Variants in ANKS1B observed in about 807,000 individuals in gnomAD.
The protein encoded by ANKS1B is ankyrin repeat and sterile alpha motif domain-containing protein 1B.
Under a neutral mutation model 148.3 loss-of-function variants are expected in ANKS1B, and 36 were observed. That is an observed-to-expected ratio of 0.24 (90% CI 0.19 to 0.32). The LOEUF (loss-of-function observed/expected upper bound fraction) is 0.32, where lower values mean the gene tolerates loss of function less well. Among genes scored for constraint, ANKS1B ranks in the 10% least tolerant of loss-of-function variants. ANKS1B has a pLI of 1.00. For synonymous variants in ANKS1B, 542 were observed against 560.8 expected (o/e 0.97, Z 0.47); for missense variants, 1,157 against 1,542.6 (o/e 0.75, Z 4.19).
intron 25 of ANKS1B, among the ~76,000 whole-genome samples, chr12:98,772,434 G>A (rs2098598815): frequency 6.6e-6 from 1 of 152,150 alleles, no homozygotes. Flanking sequence ...CCAAGACTAG[G>A]TAATTTATAA....
At chr12:99,259,672 A>G (rs181970329) in intron 12 of ANKS1B, among the ~76,000 whole-genome samples, 1 of 152,310 alleles carries the variant, frequency 6.6e-6, no homozygotes, top group East Asian at 1.9e-4. Context: ...AAATTATTGT[A>G]TCTTTTTGGT....
chr12:99,902,609 G>T lies in ANKS1B; in HGVS notation c.135-77220C>A, dbSNP rs185794748. Among the ~76,000 whole-genome samples the T allele has an allele frequency of 5.5e-4, 84 of 152,234 alleles. 1 individual carries two copies. The highest frequency in any genetic ancestry group is 4.3e-3 in the Admixed American group (66 of 15,282). On this transcript the variant is annotated intron_variant, in intron 1 of 26. Transcript: ENST00000683438. ...GAAGAGGGAAAGAAGGAAGGAATCA[G>T]GGATGATTTCTAGGTTACTTGGGTT...
At chr12:99,532,568 G>C (rs1340346166) in intron 9 of ANKS1B, among the ~76,000 whole-genome samples, 2 of 152,096 alleles carry the variant, frequency 1.3e-5, no homozygotes, top group East Asian at 3.9e-4. Flanking sequence ...CATCGTGTTA[G>C]CCAGGATGGT....
intron 19 of ANKS1B, among the ~76,000 whole-genome samples, chr12:98,823,369 C>A (rs1360940418): frequency 6.6e-6 from 1 of 152,186 alleles, no homozygotes; most frequent in Non-Finnish European, 1.5e-5. Flanking sequence ...ACAAGCTGAG[C>A]CTTTCTGAGT....
intron 1 of ANKS1B, among the ~76,000 whole-genome samples, chr12:99,872,521 A>G (rs1175832177): frequency 6.6e-6 from 1 of 152,146 alleles, no homozygotes; most frequent in Non-Finnish European, 1.5e-5. Flanking sequence ...CACTGGCACA[A>G]ACACTACCCA....
At chr12:98,811,919 G>C (rs1329948856) in intron 19 of ANKS1B, among the ~76,000 whole-genome samples, 1 of 151,596 alleles carries the variant, frequency 6.6e-6, no homozygotes, top group Non-Finnish European at 1.5e-5. Context: ...AGTTAAGAAG[G>C]GAAAAGAGGA....
At chr12:98,889,208 G>A (rs1024748674) in intron 17 of ANKS1B, among the ~76,000 whole-genome samples, 2 of 152,134 alleles carry the variant, frequency 1.3e-5, no homozygotes, top group Non-Finnish European at 2.9e-5. Context: ...AAATCAACAT[G>A]ATGAATTATC....
At chr12:98,917,831 G>A (rs2099796445) in intron 17 of ANKS1B, among the ~76,000 whole-genome samples, 1 of 152,190 alleles carries the variant, frequency 6.6e-6, no homozygotes, top group Non-Finnish European at 1.5e-5. Flanking sequence ...GCTATCTCAT[G>A]CCAGGCATCA....
intron 25 of ANKS1B, among the ~76,000 whole-genome samples, chr12:98,764,894 C>T (rs1414209606): frequency 6.6e-6 from 1 of 152,146 alleles, no homozygotes; most frequent in Non-Finnish European, 1.5e-5. Flanking sequence ...TGCTTGTGTC[C>T]CTTCATCTCC....
intron 1 of ANKS1B, among the ~76,000 whole-genome samples, chr12:99,973,726 A>G (rs761092242): frequency 3.0e-4 from 46 of 152,242 alleles, no homozygotes; most frequent in Non-Finnish European, 5.6e-4. Flanking sequence ...TGGTGGAAAT[A>G]GCAAGTGAAA....
At chr12:99,429,381 A>G (rs546521387) in intron 11 of ANKS1B, among the ~76,000 whole-genome samples, 1 of 152,362 alleles carries the variant, frequency 6.6e-6, no homozygotes, top group South Asian at 2.1e-4. Context: ...AGACAATCCA[A>G]ATTGAGGAAC....
intron 17 of ANKS1B, among the ~76,000 whole-genome samples, chr12:98,876,458 T>C (rs1041176799): frequency 6.6e-6 from 1 of 152,194 alleles, no homozygotes; most frequent in East Asian, 1.9e-4. Context: ...ATTAATGTAA[T>C]TGAACAGATT....
intron 12 of ANKS1B, among the ~76,000 whole-genome samples, chr12:99,249,792 T>C (rs2153972693): frequency 6.6e-6 from 1 of 152,312 alleles, no homozygotes; most frequent in African/African-American, 2.4e-5. Flanking sequence ...GCAAATGTGA[T>C]ATAAGCAGAG....
intron 17 of ANKS1B, among the ~76,000 whole-genome samples, chr12:98,886,327 A>G (rs2099740016): frequency 6.6e-6 from 1 of 152,216 alleles, no homozygotes; most frequent in East Asian, 1.9e-4. Flanking sequence ...CAGAGTAGAC[A>G]CTTCTGATAG....
intron 9 of ANKS1B, among the ~76,000 whole-genome samples, chr12:98,737,573 T>A (rs972437005): frequency 6.6e-6 from 1 of 152,226 alleles, no homozygotes; most frequent in African/African-American, 2.4e-5. Context: ...TAAACACTTG[T>A]TGGATGACTG....
At position 99,773,097 on chromosome 12, in the gene ANKS1B, A is replaced by G. The variant is rs896200057; in HGVS notation, c.962-9T>C. The G allele has an allele frequency of 2.5e-6, 4 of 1,588,546 alleles. No individual in the cohort carries two copies. In the South Asian group the frequency reaches 3.5e-5, roughly 14 times the overall value. ...TCCAGTGACGGTTTCACCTATGAGA[A>G]TAATTTTTTCAGAAGTTTCAAGAAA... is the stretch of plus-strand genomic sequence containing the variant. On this transcript the variant is annotated splice_polypyrimidine_tract_variant and intron_variant, in intron 7 of 26. Transcript: ENST00000683438.
intron 17 of ANKS1B, among the ~76,000 whole-genome samples, chr12:98,952,074 G>A (rs937933656): frequency 4.6e-5 from 7 of 152,186 alleles, no homozygotes; most frequent in African/African-American, 9.7e-5. Flanking sequence ...TCTAAGTTGG[G>A]CAGTTGCACG....
At chr12:98,906,533 C>A (rs1415163664) in intron 17 of ANKS1B, among the ~76,000 whole-genome samples, 1 of 152,144 alleles carries the variant, frequency 6.6e-6, no homozygotes, top group African/African-American at 2.4e-5. Flanking sequence ...CGTGTCTCTG[C>A]CTTGGCATGT....
chr12:99,590,770 G>A lies in ANKS1B; in HGVS notation c.1272+64297C>T, dbSNP rs527905462. Among the ~76,000 whole-genome samples, 15 of 152,268 alleles carry A rather than the reference G, an allele frequency of 9.9e-5. No individual in the cohort carries two copies. The East Asian group carries it at 2.1e-3, about 22-fold the overall frequency. ...ATAGACTCAAACAGTGGTTATTTCC[G>A]AATAAGGGTTTGTAGGCAATTTCTT... On this transcript the variant is annotated intron_variant, in intron 9 of 26. Coordinates refer to ENST00000683438, the MANE Select transcript of ANKS1B (RefSeq NM_001352186.2).
Sources: allele counts gnomAD v4.1 joint callset (sites outside exome capture counted in the v4.1 genomes callset), GRCh38; gene constraint gnomAD v4.1.1; transcripts MANE v1.5; gene names NCBI Gene and HGNC (gene_info 2026-07-23, HGNC 2026-07-21).